The following TMCO6 variants were observed in gnomAD, a reference collection of about 807,000 sequenced individuals.
TMCO6 encodes transmembrane and coiled-coil domain-containing protein 6.
A neutral mutation model predicts 61.8 loss-of-function variants in TMCO6; 47 were observed. The observed-to-expected ratio is 0.76, with a 90% CI of 0.60 to 0.97. TMCO6 has a LOEUF of 0.97. Among genes scored for constraint, TMCO6 ranks in the 50% least tolerant of loss-of-function variants. The pLI is 0.00. For missense variants in TMCO6, 557 were observed against 601.6 expected (o/e 0.93, Z 0.78); for synonymous variants, 261 against 254.2 (o/e 1.03, Z -0.25).
intron 2 of TMCO6, 131 bp from the exon 3 acceptor site, chr5:140,641,534 A>G (rs903835745): frequency 5.7e-6 from 4 of 698,430 alleles, no homozygotes; most frequent in African/African-American, 5.4e-5. Context: ...GATGCTTATT[A>G]GTTGCATTAG....
chr5:140,646,971 ATT>A (rs1354469236), downstream of TMCO6: 2 of 344,592 alleles, frequency 5.8e-6, no homozygotes, highest in Non-Finnish European at 5.3e-6. Context: ...GAGAAACTAT[ATT>A]GACTAACTTC....
At chr5:140,612,886 A>T in the TMCO6 span, among the ~76,000 whole-genome samples, 1 of 152,098 alleles carries the variant, frequency 6.6e-6, no homozygotes, top group East Asian at 1.9e-4. Context: ...TCCTCAGCCC[A>T]CTCTTCAATC....
chr5:140,599,666 C>T, the TMCO6 span, among the ~76,000 whole-genome samples: 3 of 152,122 alleles, frequency 2.0e-5, no homozygotes, highest in Admixed American at 6.5e-5. Flanking sequence ...TTTGGGAGGC[C>T]GAAGAGGGCG....
chr5:140,632,124 C>T, the TMCO6 span: 2 of 1,614,022 alleles, frequency 1.2e-6, no homozygotes, highest in Non-Finnish European at 1.7e-6. The surrounding 1 kb of genome is among the most constrained non-coding windows in gnomAD (Gnocchi z 6.2). Context: ...CTGTTCCAGC[C>T]CAGCGAACGA....
At chr5:140,633,387 C>G in the TMCO6 span, 1 of 512,582 alleles carries the variant, frequency 2.0e-6, no homozygotes, top group South Asian at 2.1e-5. Context: ...CTGGCAGTGT[C>G]CTGATGACTC....
rs183712699 is a variant in TMCO6, at chr5:140,642,831, T to C, written c.690-94T>C. 323 of 1,604,796 alleles carry C rather than the reference T, an allele frequency of 2.0e-4. 1 individual carries two copies. In the Middle Eastern group the frequency reaches 8.8e-3, roughly 44 times the overall value. On this transcript the variant is annotated intron_variant, in intron 6 of 11. Coordinates refer to ENST00000394671, the MANE Select transcript of TMCO6 (RefSeq NM_018502.5). ...GACACTTTCCCATCTGGGCAGGGCT[T>C]TGGGTTTGGACACTCTCCCACCTGC... is the stretch of plus-strand genomic sequence containing the variant.
upstream of TMCO6, among the ~76,000 whole-genome samples, chr5:140,636,997 G>T (rs895629460): frequency 6.6e-6 from 1 of 152,146 alleles, no homozygotes; most frequent in African/African-American, 2.4e-5. Context: ...TGTGAAAAGG[G>T]TTGTGAAGAA....
the TMCO6 span, chr5:140,632,230 G>A: frequency 6.2e-7 from 1 of 1,613,404 alleles, no homozygotes; most frequent in Admixed American, 1.7e-5. The surrounding 1 kb of genome is among the most constrained non-coding windows in gnomAD (Gnocchi z 6.2). Context: ...TCTAGGCTGT[G>A]GGGCTGCACA....
the TMCO6 span, among the ~76,000 whole-genome samples, chr5:140,623,232 G>T: frequency 3.0e-4 from 46 of 152,264 alleles, no homozygotes; most frequent in Non-Finnish European, 4.4e-4. Flanking sequence ...CCCAGGCATT[G>T]TGAAGACCCT....
Position 140,645,097 on chromosome 5 carries a change from G to C in TMCO6, c.1481G>C (p.Ter494SerextTer26). Residue 494 changes from the stop codon to serine, a stop_lost, in exon 12 of 12, where the codon TGA (stop) becomes TCA (serine). Coordinates refer to ENST00000394671, the MANE Select transcript of TMCO6 (RefSeq NM_018502.5). ...CTCCAGCAGACAGCTCTTCAAGGGT[G>C]ATCTTGTTTCTCAATGTCACTCATT... ...YALQQTALQG[*>S] is the part of the protein sequence containing the mutation. 6.2e-7 allele frequency: 1 copy of C among 1,613,952 alleles called. No homozygotes were observed. The highest frequency in any genetic ancestry group is 8.5e-7 in the Non-Finnish European group (1 of 1,179,880).
intron 7 of TMCO6, 45 bp from the exon 8 acceptor site, chr5:140,643,519 G>A: frequency 6.4e-7 from 1 of 1,560,030 alleles, no homozygotes. Flanking sequence ...TCTTAAAGGT[G>A]GAATTGACTA....
the TMCO6 span, among the ~76,000 whole-genome samples, chr5:140,610,186 T>TAAA: frequency 1.6e-4 from 11 of 70,716 alleles, no homozygotes; most frequent in Admixed American, 5.1e-4. Context: ...CCATTTCTAC[T>TAAA]AAAAAAAAAA....
the TMCO6 span, among the ~76,000 whole-genome samples, chr5:140,614,952 A>G: frequency 1.3e-5 from 2 of 152,186 alleles, no homozygotes; most frequent in Non-Finnish European, 2.9e-5. Context: ...CCTAGCCAGA[A>G]CAAGTAGGCA....
chr5:140,644,703 T>G lies in TMCO6; in HGVS notation c.1331T>G (p.Leu444Trp), dbSNP rs1476521986. ...GACACTGAAGTAGTAGGCCAGAGTT[T>G]GGAGCTGCTGCATCTGCTGTTCCTG... ...FSDTEVVGQS[L>W]ELLHLLFLYQ... The change falls in exon 11 of 12, where the codon TTG becomes TGG. Residue 444 changes from leucine (L) to tryptophan (W), a missense_variant. Physicochemically the swap from Leu to Trp is moderately conservative, Grantham distance 61. Coordinates refer to ENST00000394671, the MANE Select transcript of TMCO6 (RefSeq NM_018502.5). 6.2e-7 allele frequency: 1 copy of G among 1,614,250 alleles called. No individual in the cohort carries two copies. Among genetic ancestry groups the G allele is most frequent in the East Asian group, 2.2e-5 (1 of 44,890 alleles).
chr5:140,641,473 G>A, intron 2 of TMCO6, 192 bp from the exon 3 acceptor site: 2 of 592,424 alleles, frequency 3.4e-6, no homozygotes, highest in Non-Finnish European at 6.1e-6. Context: ...TAAGTGGCAG[G>A]TATGGTATTA....
chr5:140,640,888 T>C (rs1196911264), intron 2 of TMCO6: 1 of 152,484 alleles, frequency 6.6e-6, no homozygotes, highest in East Asian at 1.9e-4. Flanking sequence ...ATTTATTCAG[T>C]AAGCATTGAG....
At chr5:140,611,307 C>T in the TMCO6 span, among the ~76,000 whole-genome samples, 6 of 152,258 alleles carry the variant, frequency 3.9e-5, no homozygotes, top group South Asian at 2.1e-4. Context: ...TCACTCCCGC[C>T]ACCCCCAGTC....
chr5:140,639,950 T>C, intron 2 of TMCO6, 99 bp downstream of exon 2: 1 of 988,900 alleles, frequency 1.0e-6, no homozygotes, highest in Non-Finnish European at 1.5e-6. Flanking sequence ...CAATCCACTC[T>C]ACACTTCCAC....
At chr5:140,599,765 G>A in the TMCO6 span, among the ~76,000 whole-genome samples, 1 of 152,148 alleles carries the variant, frequency 6.6e-6, no homozygotes, top group Non-Finnish European at 1.5e-5. Context: ...GCTGGGCATG[G>A]TGGTGCACAC....
Sources: allele counts gnomAD v4.1 joint callset (sites outside exome capture counted in the v4.1 genomes callset), GRCh38; gene constraint gnomAD v4.1.1; non-coding constraint Gnocchi (gnomAD v3.1); transcripts MANE v1.5; gene names NCBI Gene and HGNC (gene_info 2026-07-23, HGNC 2026-07-21).